The following ADAMTS3 variants were observed in gnomAD, a reference collection of about 807,000 sequenced individuals.
The protein encoded by ADAMTS3 is A disintegrin and metalloproteinase with thrombospondin motifs 3.
In ADAMTS3, 73 loss-of-function variants were observed where a neutral mutation model predicts 129.0. The ratio of observed to expected loss-of-function variants is 0.57; its 90% CI spans 0.47 to 0.69. The LOEUF (loss-of-function observed/expected upper bound fraction) is 0.69. ADAMTS3 is among the 30% of genes least tolerant of loss of function. The pLI is 0.00. For missense variants in ADAMTS3, 1,457 were observed against 1,514.5 expected (o/e 0.96, Z 0.63); for synonymous variants, 477 against 510.8 (o/e 0.93, Z 0.89).
chr4:72,295,073 AAGT>A (rs1718770420), intron 19 of ADAMTS3, among the ~76,000 whole-genome samples: 1 of 152,076 alleles, frequency 6.6e-6, no homozygotes. Context: ...AATTAGGGAA[AAGT>A]AGTAGAAGAT....
intron 3 of ADAMTS3, among the ~76,000 whole-genome samples, chr4:72,533,356 G>A (rs1220721470): frequency 6.6e-6 from 1 of 152,014 alleles, no homozygotes; most frequent in Non-Finnish European, 1.5e-5. Context: ...GCAATAACAT[G>A]CACGGAGCTG....
At chr4:72,533,596 TAC>T (rs1322769662) in intron 3 of ADAMTS3, among the ~76,000 whole-genome samples, 5 of 152,032 alleles carry the variant, frequency 3.3e-5, no homozygotes, top group Admixed American at 3.3e-4. Context: ...TTTATATGTA[TAC>T]ACATATGCAC....
At chr4:72,489,436 C>A (rs531373278) in intron 3 of ADAMTS3, among the ~76,000 whole-genome samples, 78 of 151,950 alleles carry the variant, frequency 5.1e-4, no homozygotes, top group Non-Finnish European at 7.5e-4. Flanking sequence ...CTAGCTCTGT[C>A]TTGCCCAGGA....
At chr4:72,463,709 A>G (rs1026736402) in intron 3 of ADAMTS3, among the ~76,000 whole-genome samples, 1 of 151,874 alleles carries the variant, frequency 6.6e-6, no homozygotes, top group Non-Finnish European at 1.5e-5. Context: ...AAAAAAAAAA[A>G]AAAAAAAGCA....
chr4:72,320,622 G>C (rs1212149736), intron 7 of ADAMTS3, 92 bp downstream of exon 7: 1 of 1,328,942 alleles, frequency 7.5e-7, no homozygotes, highest in Non-Finnish European at 1.0e-6. Context: ...AGCAGTGGTG[G>C]AGAGCAGAAC....
At chr4:72,362,155 C>T (rs1720745320) in intron 4 of ADAMTS3, among the ~76,000 whole-genome samples, 1 of 4,018 alleles carries the variant, frequency 2.5e-4, no homozygotes, top group South Asian at 0.071. Context: ...CAGACTTCGT[C>T]TTTCTACTAA....
intron 2 of ADAMTS3, among the ~76,000 whole-genome samples, chr4:72,553,763 C>T (rs1721698602): frequency 6.6e-6 from 1 of 152,122 alleles, no homozygotes; most frequent in Non-Finnish European, 1.5e-5. Flanking sequence ...CAGCCAGGGG[C>T]AGCGCTGCTC....
At chr4:72,468,761 A>C (rs1009260730) in intron 3 of ADAMTS3, among the ~76,000 whole-genome samples, 3 of 151,134 alleles carry the variant, frequency 2.0e-5, no homozygotes, top group African/African-American at 7.3e-5. Flanking sequence ...GAAAAAAAAA[A>C]CGAGAAGAAA....
intron 3 of ADAMTS3, among the ~76,000 whole-genome samples, chr4:72,527,359 C>T (rs192021985): frequency 6.6e-6 from 1 of 152,222 alleles, no homozygotes; most frequent in East Asian, 1.9e-4. Context: ...AGCATTTATG[C>T]CAGCTTATTA....
chr4:72,520,510 G>A (rs528149994), intron 3 of ADAMTS3, among the ~76,000 whole-genome samples: 399 of 152,322 alleles, frequency 2.6e-3, no homozygotes, highest in African/African-American at 9.0e-3. Context: ...GGAGCTTCCC[G>A]GCTGCTTTGT....
At chr4:72,291,094 T>G (rs776703404) in intron 19 of ADAMTS3, 32 bp from the exon 20 acceptor site, 113 of 1,610,410 alleles carry the variant, frequency 7.0e-5, no homozygotes, top group Non-Finnish European at 9.1e-5. Flanking sequence ...ATTGCAATTA[T>G]CACTGGTATG....
chr4:72,488,335 T>C (rs1361450933), intron 3 of ADAMTS3, among the ~76,000 whole-genome samples: 1 of 152,012 alleles, frequency 6.6e-6, no homozygotes, highest in Non-Finnish European at 1.5e-5. Flanking sequence ...ATTTTTACTT[T>C]ATAGGTTCTT....
intron 3 of ADAMTS3, among the ~76,000 whole-genome samples, chr4:72,529,304 G>A (rs926871383): frequency 6.6e-6 from 1 of 152,016 alleles, no homozygotes; most frequent in African/African-American, 2.4e-5. Context: ...TCAAAATGTA[G>A]CATCATATGG....
Position 72,568,856 on chromosome 4 carries a change from A to G in ADAMTS3, c.-94T>C. The stretch of plus-strand genomic sequence containing the variant: ...CAAAATAAGTTTCTTTAAGAAAAAA[A>G]GGAAAAGGGAAAAAATGCGAAATAG... On this transcript the variant is annotated 5_prime_UTR_variant, in exon 1 of 22. Coordinates refer to ENST00000286657, the MANE Select transcript of ADAMTS3 (RefSeq NM_014243.3). 1.0e-6 allele frequency: 1 copy of G among 953,962 alleles called. No individual in the cohort carries two copies. 59.1% of individuals were successfully genotyped at this position (953,962 alleles called of 1,614,324 possible). A position where few individuals can be genotyped will look rare whatever the true frequency, so the allele number is the denominator to read the frequency against.
intron 4 of ADAMTS3, among the ~76,000 whole-genome samples, chr4:72,364,834 C>G (rs1373180036): frequency 6.6e-6 from 1 of 151,986 alleles, no homozygotes. Flanking sequence ...AGTGATTCTC[C>G]TACCTCAGCC....
intron 2 of ADAMTS3, among the ~76,000 whole-genome samples, chr4:72,551,710 C>A (rs949977278): frequency 6.6e-6 from 1 of 152,098 alleles, no homozygotes; most frequent in Non-Finnish European, 1.5e-5. Flanking sequence ...AATCCTATTA[C>A]CCCTATTCTA....
Position 72,501,651 on chromosome 4 carries a change from T to A in ADAMTS3, c.504+46827A>T, listed in dbSNP as rs549619263. Among the ~76,000 whole-genome samples, 3 of 152,300 alleles carry A rather than the reference T, an allele frequency of 2.0e-5. No individual in the cohort carries two copies. In the East Asian group the frequency reaches 5.8e-4, roughly 29 times the overall value. The stretch of plus-strand genomic sequence containing the variant: ...TCTGATAAGGACTCCCAGTACTATG[T>A]TGAATAGGAGTGGTGAGAGTTAGCT... On this transcript the variant is annotated intron_variant, in intron 3 of 21. Transcript: ENST00000286657.
chr4:72,549,753 G>A (rs1578786787), intron 2 of ADAMTS3, among the ~76,000 whole-genome samples: 1 of 151,296 alleles, frequency 6.6e-6, no homozygotes, highest in East Asian at 2.0e-4. Flanking sequence ...TTACAATATG[G>A]GCAGACACTT....
chr4:72,382,203 A>G (rs1050559380), intron 4 of ADAMTS3, among the ~76,000 whole-genome samples: 2 of 152,112 alleles, frequency 1.3e-5, no homozygotes, highest in African/African-American at 4.8e-5. Context: ...TATGGCACAC[A>G]TAGTTAATGA....
Sources: allele counts gnomAD v4.1 joint callset (sites outside exome capture counted in the v4.1 genomes callset), GRCh38; gene constraint gnomAD v4.1.1; transcripts MANE v1.5; gene names NCBI Gene and HGNC (gene_info 2026-07-23, HGNC 2026-07-21).